FRMD4A: variants seen among roughly 807,000 people sequenced by gnomAD.
The protein encoded by FRMD4A is FERM domain containing 4A.
FRMD4A carries 29 observed loss-of-function variants against 129.1 expected under a neutral mutation model. That is an observed-to-expected ratio of 0.22 (90% CI 0.17 to 0.31). The LOEUF (loss-of-function observed/expected upper bound fraction) is 0.31, where lower values mean the gene tolerates loss of function less well. Ranked by LOEUF, FRMD4A falls within the 10% of genes least tolerant of loss-of-function variation. The probability of loss-of-function intolerance (pLI) is 1.00; values close to 1 mark genes in which losing one functional copy is unlikely to be tolerated. For synonymous variants in FRMD4A, 634 were observed against 571.6 expected, an observed-to-expected ratio of 1.11 and a Z score of -1.56; for missense variants, 1,272 against 1,375.8, an observed-to-expected ratio of 0.92 and a Z score of 1.19.
chr10:14,081,604 A>C (rs1356924919), intron 2 of FRMD4A, among the ~76,000 whole-genome samples: 3 of 152,228 alleles, frequency 2.0e-5, no homozygotes, highest in Admixed American at 1.3e-4. Flanking sequence ...CTCATGGAAA[A>C]TATGAAAGTG....
In FRMD4A at chr10:14,020,877, G is replaced by C. The variant is rs138317032; in HGVS notation, c.46-161965C>G. On this transcript the variant is annotated intron_variant, in intron 2 of 24. Coordinates refer to ENST00000357447, the MANE Select transcript of FRMD4A (RefSeq NM_018027.5). Reference sequence around the variant, plus strand: ...GAGAGAGCTGTAGAGGTGGAGGAAAGGGGGATGATGGATTGCAGCAGGCGA... The same window carrying C: ...GAGAGAGCTGTAGAGGTGGAGGAAACGGGGATGATGGATTGCAGCAGGCGA... Among the ~76,000 whole-genome samples, 465 of 152,224 alleles carry C rather than the reference G, an allele frequency of 3.1e-3. 3 individuals carry two copies. Among genetic ancestry groups the C allele is most frequent in the African/African-American group, 0.01 (419 of 41,520 alleles).
chr10:13,965,179 G>A (rs377179965), intron 2 of FRMD4A, among the ~76,000 whole-genome samples: 26 of 151,530 alleles, frequency 1.7e-4, no homozygotes, highest in South Asian at 8.3e-4. Context: ...ATCAAGTTAC[G>A]GTGAGCTGCA....
rs747299123 is a variant in FRMD4A, at chr10:13,692,140, C to CTTTTTTTTTTTTTTTTTTTTTTTT, written c.1117+1734_1117+1757dup. 2.2e-4 allele frequency: 22 copies of CTTTTTTTTTTTTTTTTTTTTTTTT among 100,470 alleles called. 11 individuals are homozygous for CTTTTTTTTTTTTTTTTTTTTTTTT. Among genetic ancestry groups the CTTTTTTTTTTTTTTTTTTTTTTTT allele is most frequent in the African/African-American group, 1.6e-4 (4 of 24,412 alleles). 6.2% of individuals were successfully genotyped at this position (100,470 alleles called of 1,614,324 possible). A position where few individuals can be genotyped will look rare whatever the true frequency, so the allele number is the denominator to read the frequency against. On this transcript the variant is annotated intron_variant, in intron 15 of 24. Transcript: ENST00000357447. ...CTTGAAGCTTATAAAATTTTAGCAG[C>CTTTTTTTTTTTTTTTTTTTTTTTT]TTTTTTTTTTTTTTTTTTTTTTTTT...
At chr10:14,074,117 T>A (rs6602700) in intron 2 of FRMD4A, among the ~76,000 whole-genome samples, 86,266 of 151,264 alleles carry the variant, frequency 0.57, 25,954 homozygotes, top group East Asian at 0.83. Context: ...TCAAAAAAAA[T>A]TTTTTTTGTT....
chr10:13,969,302 G>A (rs1041688732), intron 2 of FRMD4A, among the ~76,000 whole-genome samples: 1 of 152,228 alleles, frequency 6.6e-6, no homozygotes, highest in Admixed American at 6.5e-5. Context: ...GGCCTGGCTT[G>A]GCCAGAGACC....
At chr10:14,026,271 C>A (rs947523470) in intron 2 of FRMD4A, among the ~76,000 whole-genome samples, 11 of 152,310 alleles carry the variant, frequency 7.2e-5, no homozygotes, top group South Asian at 2.1e-4. Context: ...TGTGAATTTT[C>A]TTTTCCCAGA....
chr10:14,238,372 A>G (rs981807852), intron 2 of FRMD4A, among the ~76,000 whole-genome samples: 7 of 152,214 alleles, frequency 4.6e-5, no homozygotes, highest in African/African-American at 1.7e-4. Flanking sequence ...GCGTTCGGCC[A>G]AGAAATTCGA....
chr10:13,850,494 G>A (rs1381617173), intron 3 of FRMD4A, among the ~76,000 whole-genome samples: 5 of 152,162 alleles, frequency 3.3e-5, no homozygotes, highest in African/African-American at 1.2e-4. Flanking sequence ...TACGCAGGAC[G>A]CACAAGTCCT....
chr10:13,861,421 T>C (rs1256710325), intron 2 of FRMD4A, among the ~76,000 whole-genome samples: 1 of 152,208 alleles, frequency 6.6e-6, no homozygotes, highest in Admixed American at 6.5e-5. Context: ...GTTTTCCTTG[T>C]TTTGGGATCT....
chr10:14,267,841 C>G (rs1845030234), intron 2 of FRMD4A, among the ~76,000 whole-genome samples: 1 of 152,140 alleles, frequency 6.6e-6, no homozygotes. Context: ...ATCTAGATAC[C>G]TAATCACTCT....
At chr10:14,283,450 T>C (rs1409142651) in intron 2 of FRMD4A, among the ~76,000 whole-genome samples, 1 of 152,142 alleles carries the variant, frequency 6.6e-6, no homozygotes, top group Non-Finnish European at 1.5e-5. Context: ...CCTATATTCA[T>C]GGTAAAGATG....
intron 2 of FRMD4A, among the ~76,000 whole-genome samples, chr10:14,061,522 A>C (rs1218463660): frequency 6.6e-6 from 1 of 152,226 alleles, no homozygotes; most frequent in African/African-American, 2.4e-5. Context: ...GTAGAAAACC[A>C]GGTGCTCATG....
At chr10:13,927,552 AGGAGCT>A (rs2095147726) in intron 2 of FRMD4A, among the ~76,000 whole-genome samples, 1 of 152,230 alleles carries the variant, frequency 6.6e-6, no homozygotes, top group Non-Finnish European at 1.5e-5. Flanking sequence ...AAGTTCTACA[AGGAGCT>A]GGGAGATAAT....
intron 2 of FRMD4A, among the ~76,000 whole-genome samples, chr10:14,199,286 A>T (rs1485204840): frequency 2.9e-4 from 1 of 3,438 alleles, no homozygotes; most frequent in East Asian, 4.9e-3. Flanking sequence ...GTCTTATTTT[A>T]TTTATTTATT....
intron 2 of FRMD4A, among the ~76,000 whole-genome samples, chr10:13,914,108 C>T (rs573565733): frequency 1.5e-4 from 23 of 152,300 alleles, no homozygotes; most frequent in African/African-American, 4.6e-4. Context: ...GAGGAAGGCG[C>T]GGGCAGATGC....
intron 2 of FRMD4A, among the ~76,000 whole-genome samples, chr10:14,175,240 A>G (rs187622166): frequency 9.2e-4 from 140 of 152,244 alleles, no homozygotes; most frequent in South Asian, 1.4e-3. Flanking sequence ...ACATGAACCT[A>G]TCAATGTGAT....
At position 13,821,080 on chromosome 10, in the gene FRMD4A, T is replaced by C. The variant is rs1278689337; in HGVS notation, c.112-10172A>G. Among the ~76,000 whole-genome samples the C allele has an allele frequency of 6.6e-6, 1 of 152,216 alleles. No homozygotes were observed. The highest frequency in any genetic ancestry group is 2.4e-5 in the African/African-American group (1 of 41,462). ...TCCCTCTCCATCCCCATGGGGGCTC[T>C]GAGCCCAGCAATGGCTCAGCGGCTG... On this transcript the variant is annotated intron_variant, in intron 3 of 24. Transcript: ENST00000357447. The surrounding 1 kb of genome is among the most constrained non-coding windows in gnomAD (Gnocchi z 4.3).
chr10:13,819,979 C>T (rs2130902911), intron 3 of FRMD4A, among the ~76,000 whole-genome samples: 1 of 152,290 alleles, frequency 6.6e-6, no homozygotes, highest in African/African-American at 2.4e-5. Flanking sequence ...CTGCCTTGGC[C>T]TCCCAAGGTC....
intron 2 of FRMD4A, among the ~76,000 whole-genome samples, chr10:14,175,771 C>A (rs969178381): frequency 6.6e-6 from 1 of 152,038 alleles, no homozygotes; most frequent in Non-Finnish European, 1.5e-5. Flanking sequence ...GAGATCCTTC[C>A]GCCTCAGCCT....
Sources: allele counts gnomAD v4.1 joint callset (sites outside exome capture counted in the v4.1 genomes callset), GRCh38; gene constraint gnomAD v4.1.1; non-coding constraint Gnocchi (gnomAD v3.1); transcripts MANE v1.5; gene names NCBI Gene and HGNC (gene_info 2026-07-23, HGNC 2026-07-21).